The following SPATA16 variants were observed in gnomAD, a reference collection of about 807,000 sequenced individuals.
SPATA16 encodes spermatogenesis-associated protein 16.
A neutral mutation model predicts 63.3 loss-of-function variants in SPATA16; 36 were observed. The observed-to-expected ratio is 0.57, with a 90% CI of 0.44 to 0.75. The LOEUF (loss-of-function observed/expected upper bound fraction) is 0.75, where lower values mean the gene tolerates loss of function less well. Ranked by LOEUF, SPATA16 falls within the 30% of genes least tolerant of loss-of-function variation. The pLI, the probability that SPATA16 is intolerant of heterozygous loss-of-function variation, is 0.00. For synonymous variants in SPATA16, 203 were observed against 216.7 expected (o/e 0.94, Z 0.56); for missense variants, 646 against 679.3 (o/e 0.95, Z 0.54).
At chr3:172,913,302 T>C (rs1732411050) in intron 10 of SPATA16, among the ~76,000 whole-genome samples, 1 of 151,904 alleles carries the variant, frequency 6.6e-6, no homozygotes, top group Non-Finnish European at 1.5e-5. Flanking sequence ...ATTCCTCAAG[T>C]GAAAAAAGTG....
chr3:173,013,977 A>C (rs1403287564), intron 4 of SPATA16, among the ~76,000 whole-genome samples: 1 of 152,192 alleles, frequency 6.6e-6, no homozygotes, highest in African/African-American at 2.4e-5. Flanking sequence ...AGCCTAATAC[A>C]GGAAAGTTTA....
chr3:172,989,419 A>T (rs1734527653), intron 4 of SPATA16, among the ~76,000 whole-genome samples: 1 of 152,198 alleles, frequency 6.6e-6, no homozygotes, highest in Non-Finnish European at 1.5e-5. Context: ...ATTATTTCTC[A>T]TTAATAATTT....
intron 2 of SPATA16, among the ~76,000 whole-genome samples, chr3:173,082,258 G>C (rs970362283): frequency 1.1e-4 from 17 of 152,156 alleles, no homozygotes; most frequent in Non-Finnish European, 2.1e-4. Context: ...ATTAAACAAA[G>C]TATGTTCTAT....
At chr3:173,003,000 G>T (rs1734859922) in intron 4 of SPATA16, among the ~76,000 whole-genome samples, 1 of 152,054 alleles carries the variant, frequency 6.6e-6, no homozygotes, top group Admixed American at 6.6e-5. Context: ...TATTGAAGAA[G>T]ATTTTTTTAA....
chr3:173,054,851 T>G (rs1305536150), intron 2 of SPATA16, among the ~76,000 whole-genome samples: 1 of 152,028 alleles, frequency 6.6e-6, no homozygotes, highest in Non-Finnish European at 1.5e-5. Flanking sequence ...TTCACCAATA[T>G]AGACCATATC....
intron 1 of SPATA16, among the ~76,000 whole-genome samples, chr3:173,133,377 T>G (rs1738436431): frequency 6.6e-6 from 1 of 152,222 alleles, no homozygotes; most frequent in African/African-American, 2.4e-5. Context: ...CTAGGCAGCC[T>G]TTACCAATGT....
rs1193969805 is a variant in SPATA16 at position 173,117,215 on chromosome 3, C to T, written c.517G>A (p.Asp173Asn). The T allele has an allele frequency of 6.2e-7, 1 of 1,614,008 alleles. No individual in the cohort carries two copies. The highest frequency in any genetic ancestry group is 8.5e-7 in the Non-Finnish European group (1 of 1,180,012). Residue 173 changes from aspartate to asparagine, a missense_variant, in exon 2 of 11, where the codon GAC (aspartate) becomes AAC (asparagine). Physicochemically the swap from Asp to Asn is conservative, Grantham distance 23. Transcript: ENST00000351008. ...TTTAAGGCTACCTGAAGCCATTTGT[C>T]AATCTGAGGCAGAAAGCTGAAATTA... ...VHNFSFLPQI[D>N]KWLQVALKDA...
chr3:172,894,305 G>A (rs1731958764), intron 10 of SPATA16, among the ~76,000 whole-genome samples: 1 of 151,970 alleles, frequency 6.6e-6, no homozygotes, highest in African/African-American at 2.4e-5. Flanking sequence ...TTTCTGAAAC[G>A]GAGTTGTTTC....
intron 5 of SPATA16, among the ~76,000 whole-genome samples, chr3:172,966,256 C>A (rs1203117663): frequency 1.3e-5 from 2 of 152,194 alleles, no homozygotes; most frequent in Non-Finnish European, 2.9e-5. Flanking sequence ...TCTGTCCAGT[C>A]TCTGGTTACA....
At chr3:172,897,860 T>G (rs943276190) in intron 10 of SPATA16, among the ~76,000 whole-genome samples, 4 of 152,092 alleles carry the variant, frequency 2.6e-5, no homozygotes, top group African/African-American at 7.2e-5. Context: ...GATTTTATTC[T>G]TTCACTATTA....
At chr3:173,110,154 C>T (rs903046980) in intron 2 of SPATA16, among the ~76,000 whole-genome samples, 2 of 152,090 alleles carry the variant, frequency 1.3e-5, no homozygotes, top group Non-Finnish European at 2.9e-5. Context: ...GGAACAACGA[C>T]AACAACAATC....
chr3:173,132,889 T>C (rs1413266068), intron 1 of SPATA16, among the ~76,000 whole-genome samples: 1 of 152,146 alleles, frequency 6.6e-6, no homozygotes, highest in Non-Finnish European at 1.5e-5. Flanking sequence ...AATATTCTAA[T>C]TCAGAGACCA....
intron 5 of SPATA16, among the ~76,000 whole-genome samples, chr3:172,962,011 G>T (rs541210241): frequency 1.8e-4 from 27 of 152,174 alleles, no homozygotes; most frequent in African/African-American, 6.5e-4. Context: ...CCAGCACTTT[G>T]GGAGGCCAAG....
chr3:172,925,613 A>G (rs998143454), intron 6 of SPATA16, 121 bp from the exon 7 acceptor site: 2 of 1,186,718 alleles, frequency 1.7e-6, no homozygotes, highest in African/African-American at 3.1e-5. Context: ...TGTGAAAGGT[A>G]TGAAGTAATA....
intron 2 of SPATA16, among the ~76,000 whole-genome samples, chr3:173,101,899 C>T (rs901118303): frequency 1.3e-5 from 2 of 152,158 alleles, no homozygotes; most frequent in Admixed American, 1.3e-4. Flanking sequence ...TCTGTCCTCT[C>T]CTACCCAGCC....
chr3:172,913,626 A>C lies in SPATA16; in HGVS notation c.1587+35T>G, dbSNP rs781148346. ...CCCAAAATGGACATTTTCTTTGAGAATAATAGATCTTTTTCCTTCAGCTCA... is the reference window on the plus strand; with the variant it reads ...CCCAAAATGGACATTTTCTTTGAGACTAATAGATCTTTTTCCTTCAGCTCA... On this transcript the variant is annotated intron_variant, in intron 10 of 10. Transcript: ENST00000351008. 6.9e-6 allele frequency: 11 copies of C among 1,590,938 alleles called. No homozygotes were observed. The South Asian group carries it at 1.2e-4, about 18-fold the overall frequency.
chr3:172,970,607 T>C (rs974376164), intron 5 of SPATA16, among the ~76,000 whole-genome samples: 1 of 152,188 alleles, frequency 6.6e-6, no homozygotes, highest in Non-Finnish European at 1.5e-5. Context: ...CTAAATACTA[T>C]AGAGCCTGGG....
At chr3:173,004,104 C>T (rs1023817343) in intron 4 of SPATA16, among the ~76,000 whole-genome samples, 1 of 152,168 alleles carries the variant, frequency 6.6e-6, no homozygotes, top group Non-Finnish European at 1.5e-5. Context: ...TGTAAGCAAC[C>T]TTCACAATTA....
At position 172,904,968 on chromosome 3, in the gene SPATA16, C is replaced by G. The variant is rs558674803; in HGVS notation, c.1587+8693G>C. Reference sequence around the variant, plus strand: ...GGCCTGGATGCCATTAACACAGATCCATTAGTCCCAGGAACCTGGCCTCTT... The same window carrying G: ...GGCCTGGATGCCATTAACACAGATCGATTAGTCCCAGGAACCTGGCCTCTT... On this transcript the variant is annotated intron_variant, in intron 10 of 10. Transcript: ENST00000351008. Among the ~76,000 whole-genome samples, 9 of 152,222 alleles carry G rather than the reference C, an allele frequency of 5.9e-5. No individual in the cohort carries two copies. The South Asian group carries it at 1.7e-3, about 28-fold the overall frequency.
Sources: gnomAD v4.1 joint callset for allele counts (sites outside exome capture counted in the v4.1 genomes callset) on GRCh38, gnomAD v4.1.1 for gene constraint, MANE v1.5 for transcripts, NCBI Gene and HGNC (gene_info 2026-07-23, HGNC 2026-07-21) for gene names.